MYH8: variants seen among roughly 807,000 people sequenced by gnomAD.
MYH8 encodes the protein myosin heavy chain 8, also known as myosin-8.
A neutral mutation model predicts 233.2 loss-of-function variants in MYH8; 168 were observed. The ratio of observed to expected loss-of-function variants is 0.72; its 90% CI spans 0.64 to 0.82. The LOEUF (loss-of-function observed/expected upper bound fraction) is 0.82. Ranked by LOEUF, MYH8 falls within the 40% of genes least tolerant of loss-of-function variation. The pLI, the probability that MYH8 is intolerant of heterozygous loss-of-function variation, is 0.00. For missense variants in MYH8, 1,995 were observed against 2,327.8 expected (o/e 0.86, Z 2.94); for synonymous variants, 785 against 850.6 (o/e 0.92, Z 1.34).
chr17:10,409,293 G>A lies in MYH8; in HGVS notation c.1883C>T (p.Ala628Val). ...KTLASLFSTY[A>V]SAEADSSAKK... ...ACAGAAAGTACCTGCTTCAGCACTA[G>A]CATACGTGGAAAAGAGACTGGCTAG... Residue 628 changes from alanine (A) to valine (V), a missense_variant, in exon 16 of 40, where the codon GCT becomes GTT. By Grantham distance (64) the Ala-to-Val change is moderately conservative. Around this residue, in one of 3 missense-constraint regions of MYH8, gnomAD observed 1,498 missense variants for 1,680.9 expected, o/e 0.89. Transcript: ENST00000403437. 2.5e-6 allele frequency: 4 copies of A among 1,614,238 alleles called. No homozygotes were observed. Among genetic ancestry groups the A allele is most frequent in the Non-Finnish European group, 3.4e-6 (4 of 1,180,034 alleles).
chr17:10,396,539 C>T lies in MYH8; in HGVS notation c.4528+14G>A. 6.2e-7 allele frequency: 1 copy of T among 1,613,856 alleles called. No individual in the cohort carries two copies. Among genetic ancestry groups the T allele is most frequent in the Non-Finnish European group, 8.5e-7 (1 of 1,179,860 alleles). On this transcript the variant is annotated intron_variant, in intron 32 of 39. Transcript: ENST00000403437. The surrounding 1 kb of genome is among the most constrained non-coding windows in gnomAD (Gnocchi z 4.2). ...CCAGGGATATATGGAGTAGGGAGGACTGTGAGGACTCACGTTGCAAGTTCT... is the reference window on the plus strand; with the variant it reads ...CCAGGGATATATGGAGTAGGGAGGATTGTGAGGACTCACGTTGCAAGTTCT...
chr17:10,418,607 T>C (rs1174121201), intron 5 of MYH8, 38 bp downstream of exon 5: 2 of 1,613,078 alleles, frequency 1.2e-6, no homozygotes, highest in Admixed American at 1.7e-5. Context: ...AAAGATTCTA[T>C]TTACACATTT....
In MYH8 at chr17:10,390,433, G is replaced by GA; in HGVS notation, c.*20dup. The stretch of plus-strand genomic sequence containing the variant: ...ATTTTGTGCCTTTCTTCAGCCTCTT[G>GA]ATAGCATCAGGCAGGTGTGTTTACT... On this transcript the variant is annotated 3_prime_UTR_variant, in exon 40 of 40. Transcript: ENST00000403437. 2 of 1,612,766 alleles carry GA rather than the reference G, an allele frequency of 1.2e-6. No homozygotes were observed. The highest frequency in any genetic ancestry group is 1.7e-6 in the Non-Finnish European group (2 of 1,180,002).
chr17:10,398,956 A>G (rs903792484), intron 28 of MYH8, 70 bp from the exon 29 acceptor site: 10 of 859,316 alleles, frequency 1.2e-5, no homozygotes, highest in African/African-American at 1.7e-5. Context: ...ACATTTATAT[A>G]TGTGTGTGTG....
At position 10,394,275 on chromosome 17, in the gene MYH8, C is replaced by T. The variant is rs553069572; in HGVS notation, c.5140G>A (p.Glu1714Lys). Residue 1714 changes from glutamate (E) to lysine (K), a missense_variant, in exon 35 of 40, where the codon GAG (glutamate) becomes AAG (lysine). Transcript: ENST00000403437. ...IAEQELLDASERVQLLHTQNT... is the reference protein window; with the variant it reads ...IAEQELLDASKRVQLLHTQNT... ...TGGGTGTGGAGGAGCTGGACACGCT[C>T]ACTGGCATCCAGGAGCTCCTGTTCG... The T allele has an allele frequency of 1.9e-5, 30 of 1,613,844 alleles. No homozygotes were observed. The highest frequency in any genetic ancestry group is 3.3e-5 in the Admixed American group (2 of 59,986).
At position 10,403,560 on chromosome 17, in the gene MYH8, G is replaced by C. The variant is rs181366698; in HGVS notation, c.2688+770C>G. Among the ~76,000 whole-genome samples, 241 of 152,206 alleles carry C rather than the reference G, an allele frequency of 1.6e-3. 1 individual carries two copies. Among genetic ancestry groups the C allele is most frequent in the African/African-American group, 5.7e-3 (238 of 41,536 alleles). ...CACTGACTAATGATAACTGTGAAAAGATGGTAAGATAGAGAGGCTATGGTC... is the reference window on the plus strand; with the variant it reads ...CACTGACTAATGATAACTGTGAAAACATGGTAAGATAGAGAGGCTATGGTC... On this transcript the variant is annotated intron_variant, in intron 22 of 39. Coordinates refer to ENST00000403437, the MANE Select transcript of MYH8 (RefSeq NM_002472.3).
rs2072312140 is a variant in MYH8 at position 10,418,938 on chromosome 17, C to T, written c.303G>A (p.Glu101=). The T allele has an allele frequency of 6.2e-7, 1 of 1,614,038 alleles. No individual in the cohort carries two copies. The highest frequency in any genetic ancestry group is 2.2e-5 in the East Asian group (1 of 44,900). Residue 101 remains glutamate (E), a synonymous_variant, in exon 4 of 40, where the codon GAG becomes GAA. Transcript: ENST00000403437. ...CTTTGAGGTTGTACAGCACTCCAGG[C>T]TCGTGTAGATGAGTCATCATGGCCA... The part of the protein sequence containing the change: ...EDMAMMTHLH[E]PGVLYNLKER...
intron 21 of MYH8, among the ~76,000 whole-genome samples, 154 bp downstream of exon 21, chr17:10,405,887 G>C (rs2072187796): frequency 6.6e-6 from 1 of 152,234 alleles, no homozygotes; most frequent in Non-Finnish European, 1.5e-5. Flanking sequence ...ATCCAAGTGT[G>C]AGAGCTGAAG....
rs1412144070 is a variant in MYH8, at chr17:10,410,825, G to A, written c.1539C>T (p.Phe513=). The change falls in exon 15 of 40, where the codon TTC becomes TTT. Residue 513 remains phenylalanine (F), a synonymous_variant. Transcript: ENST00000403437. ...CAGCCAGGTCCATCCCAAAGTCAAT[G>A]AACGTCCACTCGATGCCTTCCTTCT... ...EYKKEGIEWT[F]IDFGMDLAAC... 6.2e-7 allele frequency: 1 copy of A among 1,613,890 alleles called. No homozygotes were observed. The highest frequency in any genetic ancestry group is 1.7e-5 in the Admixed American group (1 of 60,004).
intron 30 of MYH8, 140 bp from the exon 31 acceptor site, chr17:10,397,126 C>T: frequency 1.9e-6 from 2 of 1,058,228 alleles, no homozygotes; most frequent in Non-Finnish European, 2.7e-6. Context: ...CTCTGTCGCC[C>T]ATGCTGGAGT....
chr17:10,402,815 A>G (rs1046967575), intron 22 of MYH8, among the ~76,000 whole-genome samples: 1 of 152,186 alleles, frequency 6.6e-6, no homozygotes, highest in Non-Finnish European at 1.5e-5. Flanking sequence ...AGATTTCCCC[A>G]GTGTAACAAA....
At chr17:10,397,056 T>C in intron 30 of MYH8, 70 bp from the exon 31 acceptor site, 2 of 1,493,242 alleles carry the variant, frequency 1.3e-6, no homozygotes, top group Non-Finnish European at 9.3e-7. Flanking sequence ...CCTTGGTCCC[T>C]TTTCACAGTC....
rs1169419511 is a variant in MYH8 at position 10,418,707 on chromosome 17, C to T, written c.449G>A (p.Arg150His). 1.1e-5 allele frequency: 18 copies of T among 1,613,746 alleles called. No individual in the cohort carries two copies. Among genetic ancestry groups the T allele is most frequent in the East Asian group, 4.5e-5 (2 of 44,898 alleles). The change falls in exon 5 of 40, where the codon CGC (arginine) becomes CAC (histidine). Residue 150 changes from arginine (R) to histidine (H), a missense_variant. Physicochemically the swap from Arg to His is conservative, Grantham distance 29. Around this residue, in one of 3 missense-constraint regions of MYH8, gnomAD observed 479 missense variants for 600.9 expected, o/e 0.80. Transcript: ENST00000403437. ...GAAGATGTGGGGCGGGGCCTCCTGG[C>T]GCTTTTTGCCTCTGTAGGCAGCCAC... ...EVVAAYRGKK[R>H]QEAPPHIFSI...
chr17:10,410,996 T>C, intron 14 of MYH8, 49 bp from the exon 15 acceptor site: 1 of 1,613,486 alleles, frequency 6.2e-7, no homozygotes, highest in Non-Finnish European at 8.5e-7. Flanking sequence ...TTTATAGTAG[T>C]AAAATTCATT....
At chr17:10,398,994 G>GTGTATATATATATATATATATATA (rs1555555758) in intron 28 of MYH8, 108 bp from the exon 29 acceptor site, 2 of 305,200 alleles carry the variant, frequency 6.6e-6, no homozygotes, top group African/African-American at 4.8e-5. Flanking sequence ...ATGTGTGTGT[G>GTGTATATATATATATATATATATA]TATATATATA....
At position 10,401,132 on chromosome 17, in the gene MYH8, C is replaced by T. The variant is rs144343835; in HGVS notation, c.3168G>A (p.Arg1056=). Reference sequence around the variant, plus strand: ...CCAATTTGAGGTCACCCTCCAGTTTCCGCTTTGCTCTTTCTAGATCCATTC... The same window carrying T: ...CCAATTTGAGGTCACCCTCCAGTTTTCGCTTTGCTCTTTCTAGATCCATTC... ...KLRMDLERAK[R]KLEGDLKLAQ... Residue 1056 remains arginine, a synonymous_variant, in exon 25 of 40, where the codon CGG becomes CGA. Transcript: ENST00000403437. The T allele has an allele frequency of 6.2e-7, 1 of 1,614,168 alleles. No individual in the cohort carries two copies. The highest frequency in any genetic ancestry group is 8.5e-7 in the Non-Finnish European group (1 of 1,180,018).
Position 10,415,186 on chromosome 17 carries a change from A to G in MYH8, c.742-7T>C, listed in dbSNP as rs1363271990. 1 of 1,611,702 alleles carries G rather than the reference A, an allele frequency of 6.2e-7. No individual in the cohort carries two copies. The highest frequency in any genetic ancestry group is 8.5e-7 in the Non-Finnish European group (1 of 1,177,754). On this transcript the variant is annotated splice_polypyrimidine_tract_variant and splice_region_variant and intron_variant, in intron 8 of 39. Coordinates refer to ENST00000403437, the MANE Select transcript of MYH8 (RefSeq NM_002472.3). The surrounding 1 kb of genome is among the most constrained non-coding windows in gnomAD (Gnocchi z 4.1). Reference sequence around the variant, plus strand: ...GGATTCTAATGAATTTACCCTTGAAAAGAATATTTAGTATTAGAAAACTGA... The same window carrying G: ...GGATTCTAATGAATTTACCCTTGAAGAGAATATTTAGTATTAGAAAACTGA...
chr17:10,410,196 C>T (rs34887853), intron 15 of MYH8, among the ~76,000 whole-genome samples: 3,583 of 152,118 alleles, frequency 0.024, 47 homozygotes, highest in Non-Finnish European at 0.029. Flanking sequence ...CCCAGCTACT[C>T]GGGAGGCTGA....
chr17:10,401,840 T>C (rs1448104700), intron 22 of MYH8, 55 bp from the exon 23 acceptor site: 3 of 1,611,002 alleles, frequency 1.9e-6, no homozygotes, highest in Non-Finnish European at 2.5e-6. Flanking sequence ...TGAAACTTGG[T>C]GTTTTTTTTG....
Sources: gnomAD v4.1 joint callset for allele counts (sites outside exome capture counted in the v4.1 genomes callset) on GRCh38, gnomAD v4.1.1 for gene constraint, gnomAD v4.1.1 regional missense constraint, Gnocchi (gnomAD v3.1) non-coding constraint, MANE v1.5 for transcripts, NCBI Gene and HGNC (gene_info 2026-07-23, HGNC 2026-07-21) for gene names.